SYNPR: variants seen among roughly 807,000 people sequenced by gnomAD.
SYNPR encodes synaptoporin.
In SYNPR, 23 loss-of-function variants were observed where a neutral mutation model predicts 32.9. That is an observed-to-expected ratio of 0.70 (90% confidence interval 0.50 to 0.99). SYNPR has a LOEUF of 0.99. SYNPR is among the 50% of genes least tolerant of loss of function. The pLI, the probability that SYNPR is intolerant of heterozygous loss-of-function variation, is 0.00. For synonymous variants in SYNPR, 146 were observed against 135.9 expected (o/e 1.07, Z -0.52); for missense variants, 318 against 349.3 (o/e 0.91, Z 0.71).
chr3:63,299,269 A>G (rs1206327513), intron 2 of SYNPR, among the ~76,000 whole-genome samples: 1 of 152,106 alleles, frequency 6.6e-6, no homozygotes, highest in Non-Finnish European at 1.5e-5. Flanking sequence ...CTGGAAAACT[A>G]GAGAAGAGTT....
intron 2 of SYNPR, among the ~76,000 whole-genome samples, chr3:63,354,992 G>T (rs1395469867): frequency 6.6e-6 from 1 of 152,152 alleles, no homozygotes; most frequent in Admixed American, 6.6e-5. Context: ...TAAAGTCCCA[G>T]AGCAGGCCAG....
At chr3:63,475,167 T>C (rs901399910) in intron 2 of SYNPR, among the ~76,000 whole-genome samples, 4 of 152,156 alleles carry the variant, frequency 2.6e-5, no homozygotes, top group African/African-American at 9.7e-5. Flanking sequence ...TCCACCTAAA[T>C]GCATTTCTAA....
intron 2 of SYNPR, among the ~76,000 whole-genome samples, chr3:63,412,613 A>G (rs986911102): frequency 2.0e-5 from 3 of 152,158 alleles, no homozygotes; most frequent in African/African-American, 7.2e-5. Flanking sequence ...GTTGAGGCGC[A>G]GGGATGAGTT....
At chr3:63,325,616 A>G (rs1345135762) in intron 2 of SYNPR, among the ~76,000 whole-genome samples, 1 of 152,116 alleles carries the variant, frequency 6.6e-6, no homozygotes, top group Non-Finnish European at 1.5e-5. Context: ...CACTCAGTGT[A>G]AATTCATTTA....
At chr3:63,572,669 C>A (rs1349527444) in intron 4 of SYNPR, among the ~76,000 whole-genome samples, 2 of 152,016 alleles carry the variant, frequency 1.3e-5, no homozygotes, top group African/African-American at 4.8e-5. Flanking sequence ...TAAAATTGAA[C>A]AACAGCTAAG....
chr3:63,285,300 A>T (rs2086669598), intron 2 of SYNPR, among the ~76,000 whole-genome samples: 1 of 152,336 alleles, frequency 6.6e-6, no homozygotes, highest in African/African-American at 2.4e-5. Flanking sequence ...AGTACTTTTC[A>T]TTTTAAATAT....
chr3:63,337,830 A>T (rs912698003), intron 2 of SYNPR, among the ~76,000 whole-genome samples: 10 of 152,212 alleles, frequency 6.6e-5, no homozygotes, highest in African/African-American at 2.4e-4. Context: ...GAAACCAAAA[A>T]AAGATCAGTG....
chr3:63,379,570 GTC>G (rs1218013976), intron 2 of SYNPR, among the ~76,000 whole-genome samples: 14 of 151,938 alleles, frequency 9.2e-5, no homozygotes, highest in Non-Finnish European at 1.6e-4. Flanking sequence ...CTTACATAAT[GTC>G]TCTTTCTGTC....
intron 3 of SYNPR, among the ~76,000 whole-genome samples, chr3:63,505,603 T>C (rs1362953480): frequency 6.6e-6 from 1 of 152,208 alleles, no homozygotes; most frequent in Non-Finnish European, 1.5e-5. Flanking sequence ...TTGAAGGTTG[T>C]CTACAGTAAA....
intron 2 of SYNPR, among the ~76,000 whole-genome samples, chr3:63,409,759 C>A (rs1050584444): frequency 6.6e-6 from 1 of 152,032 alleles, no homozygotes; most frequent in Non-Finnish European, 1.5e-5. Context: ...AAGTTAAGGC[C>A]ATCATTTCTG....
intron 5 of SYNPR, chr3:63,610,504 A>C: frequency 2.9e-6 from 2 of 700,386 alleles, no homozygotes; most frequent in Non-Finnish European, 5.2e-6. Flanking sequence ...GAAGGCACTT[A>C]AGAAGAGAGA....
At chr3:63,434,172 G>A (rs1700039684) in intron 2 of SYNPR, among the ~76,000 whole-genome samples, 1 of 152,204 alleles carries the variant, frequency 6.6e-6, no homozygotes, top group Non-Finnish European at 1.5e-5. Flanking sequence ...ATTAAGAGCT[G>A]TAATTTGGTC....
chr3:63,272,944 G>C (rs528565252), intron 3 of SYNPR, among the ~76,000 whole-genome samples: 2 of 152,084 alleles, frequency 1.3e-5, no homozygotes, highest in South Asian at 4.1e-4. Context: ...AAGATGTTGT[G>C]CTTCATGAAT....
chr3:63,252,565 T>A (rs528387778), exon 2 of SYNPR: 1 of 152,320 alleles, frequency 6.6e-6, no homozygotes, highest in African/African-American at 2.4e-5. Flanking sequence ...AGCGTGGACA[T>A]GCAACTTCTC....
rs1046206868 is a variant in SYNPR at position 63,543,885 on chromosome 3, G to C, written c.210-12658G>C. ...ACCTTCCCTTATGTAGCTGGCCATG[G>C]ACAATATGGAGGTTAATCCAAAGAC... On this transcript the variant is annotated intron_variant, in intron 3 of 5. Transcript: ENST00000478300. Among the ~76,000 whole-genome samples, 54 of 151,996 alleles carry C rather than the reference G, an allele frequency of 3.6e-4. 1 individual carries two copies. The highest frequency in any genetic ancestry group is 1.2e-3 in the African/African-American group (50 of 41,414).
intron 4 of SYNPR, among the ~76,000 whole-genome samples, chr3:63,575,418 C>A (rs1346032909): frequency 6.6e-6 from 1 of 152,084 alleles, no homozygotes; most frequent in Admixed American, 6.6e-5. Context: ...ACTCTCAGCT[C>A]CTATTCCCAC....
intron 2 of SYNPR, among the ~76,000 whole-genome samples, chr3:63,350,515 G>A (rs1187916572): frequency 1.3e-5 from 2 of 152,236 alleles, no homozygotes; most frequent in Admixed American, 6.5e-5. Context: ...GCCTGTGTAT[G>A]TGTGTGTAGT....
chr3:63,571,433 T>C (rs1435106066), intron 4 of SYNPR, among the ~76,000 whole-genome samples: 1 of 152,166 alleles, frequency 6.6e-6, no homozygotes, highest in Non-Finnish European at 1.5e-5. Flanking sequence ...AAACATCCTT[T>C]CAGTCACTGG....
chr3:63,270,328 A>G (rs1038199987), intron 3 of SYNPR, among the ~76,000 whole-genome samples: 3 of 152,204 alleles, frequency 2.0e-5, no homozygotes, highest in Non-Finnish European at 4.4e-5. Flanking sequence ...GCTCTAAGAT[A>G]AAACAAGCAC....
Sources: allele counts gnomAD v4.1 joint callset (sites outside exome capture counted in the v4.1 genomes callset), GRCh38; gene constraint gnomAD v4.1.1; transcripts MANE v1.5; gene names NCBI Gene and HGNC (gene_info 2026-07-23, HGNC 2026-07-21).